MYB: variants seen among roughly 807,000 people sequenced by gnomAD.
MYB encodes the protein transcriptional activator Myb.
In MYB, 28 loss-of-function variants were observed where a neutral mutation model predicts 92.9. The ratio of observed to expected loss-of-function variants is 0.30; its 90% CI spans 0.22 to 0.41. MYB has a LOEUF of 0.41. Ranked by LOEUF, MYB falls within the 10% of genes least tolerant of loss-of-function variation. The pLI is 1.00. For missense variants in MYB, 679 were observed against 929.3 expected (o/e 0.73, Z 3.50); for synonymous variants, 295 against 329.1 (o/e 0.90, Z 1.12).
chr6:135,213,765 T>A (rs1436602535), intron 15 of MYB, among the ~76,000 whole-genome samples: 1 of 151,896 alleles, frequency 6.6e-6, no homozygotes, highest in Non-Finnish European at 1.5e-5. Context: ...CTGCCTGTAG[T>A]CTGAGCTACT....
At chr6:135,200,552 GA>G (rs1562382640) in intron 13 of MYB, 137 bp downstream of exon 13, 6 of 1,280,502 alleles carry the variant, frequency 4.7e-6, no homozygotes, top group Non-Finnish European at 6.7e-6. Flanking sequence ...AAGGTGCAGC[GA>G]AAAGGTACTG....
intron 12 of MYB, 44 bp downstream of exon 12, chr6:135,200,243 C>A: frequency 5.0e-6 from 8 of 1,613,678 alleles, no homozygotes; most frequent in Non-Finnish European, 5.9e-6. Flanking sequence ...TTTATTAGTC[C>A]CATTAGGAGT....
intron 15 of MYB, among the ~76,000 whole-genome samples, chr6:135,211,486 T>G (rs1779691016): frequency 6.6e-6 from 1 of 151,990 alleles, no homozygotes; most frequent in African/African-American, 2.4e-5. Flanking sequence ...TTAGAGAGAA[T>G]AAACATTCTG....
At chr6:135,203,526 C>T (rs1371170198) in intron 15 of MYB, 2 of 666,130 alleles carry the variant, frequency 3.0e-6, no homozygotes, top group African/African-American at 3.6e-5. Context: ...TCATATGAGA[C>T]ATGCTAGAAA....
intron 15 of MYB, chr6:135,203,843 A>G (rs1384072983): frequency 4.8e-6 from 6 of 1,252,596 alleles, no homozygotes; most frequent in Non-Finnish European, 3.1e-6. Flanking sequence ...GCCGATCTGA[A>G]GTTGACCATC....
intron 15 of MYB, among the ~76,000 whole-genome samples, chr6:135,217,454 G>A (rs2179308): frequency 0.48 from 72,405 of 151,924 alleles, 18,378 homozygotes; most frequent in Non-Finnish European, 0.57. Context: ...CTTAGCAGGT[G>A]TTGATCAATT....
chr6:135,183,926 AGGAAGTGAT>A (rs1306071685), intron 1 of MYB, among the ~76,000 whole-genome samples: 2 of 152,194 alleles, frequency 1.3e-5, no homozygotes, highest in Non-Finnish European at 2.9e-5. Flanking sequence ...CTTGAGAGAG[AGGAAGTGAT>A]TTGTCCAAGT....
At chr6:135,203,873 C>G (rs1422258689) in intron 15 of MYB, 21 of 1,200,838 alleles carry the variant, frequency 1.7e-5, no homozygotes, top group Non-Finnish European at 2.0e-5. Context: ...GTTTTAATAT[C>G]AAAAGAGATT....
At chr6:135,185,515 A>AT (rs780287581) in intron 1 of MYB, among the ~76,000 whole-genome samples, 3 of 152,222 alleles carry the variant, frequency 2.0e-5, no homozygotes, top group Non-Finnish European at 2.9e-5. Flanking sequence ...GATGCCAAAG[A>AT]TTTTGAGTGT....
At chr6:135,185,579 G>A (rs1775805403) in intron 1 of MYB, among the ~76,000 whole-genome samples, 1 of 152,160 alleles carries the variant, frequency 6.6e-6, no homozygotes, top group African/African-American at 2.4e-5. Flanking sequence ...TTAACCTTAA[G>A]TTTTCAACTT....
At position 135,206,205 on chromosome 6, in the gene MYB, CA is replaced by C. The variant is rs67836018; in HGVS notation, c.2169+2903del. 2.1e-3 allele frequency among the ~76,000 whole-genome samples: 187 copies of C among 87,342 alleles called. 1 individual carries two copies. The highest frequency in any genetic ancestry group is 4.4e-3 in the African/African-American group (100 of 22,808). The allele number at this position is 87,342 out of a possible 152,430, so 57.3% of individuals were successfully genotyped here. On this transcript the variant is annotated intron_variant, in intron 15 of 15. Transcript: ENST00000341911. ...TGGGTGACTGAGCGAGACTCCATCT[CA>C]AAAAAAAAAAAAAAAAAAAAATAAT... is the stretch of plus-strand genomic sequence containing the variant.
chr6:135,199,176 A>T (rs896161597), intron 11 of MYB, 126 bp downstream of exon 11: 1 of 748,856 alleles, frequency 1.3e-6, no homozygotes, highest in East Asian at 2.8e-5. Context: ...ATATATAATC[A>T]TGTCTATTCC....
In MYB at chr6:135,203,227, C is replaced by A. The variant is rs1305740100; in HGVS notation, c.2072C>A (p.Thr691Lys). 2 of 1,599,292 alleles carry A rather than the reference C, an allele frequency of 1.3e-6. No individual in the cohort carries two copies. Among genetic ancestry groups the A allele is most frequent in the Non-Finnish European group, 1.7e-6 (2 of 1,168,342 alleles). Residue 691 changes from threonine to lysine, a missense_variant, in exon 15 of 16, where the codon ACA (threonine) becomes AAA (lysine). By Grantham distance (78) the Thr-to-Lys change is moderately conservative. Coordinates refer to ENST00000341911, the MANE Select transcript of MYB (RefSeq NM_001130173.2). ...SPVADAPNILTSSVLMAPASE... is the reference protein window; with the variant it reads ...SPVADAPNILKSSVLMAPASE... ...TTCTCTTCCCTTTAGAATATTCTTA[C>A]AAGCTCCGTTTTAATGGCACCAGCA... is the stretch of plus-strand genomic sequence containing the variant.
chr6:135,183,006 GTTTTTT>G (rs3071602), intron 1 of MYB, among the ~76,000 whole-genome samples: 3 of 92,440 alleles, frequency 3.2e-5, no homozygotes, highest in African/African-American at 1.3e-4. Context: ...GGGGTCATCT[GTTTTTT>G]TTTTTTTTTT....
intron 14 of MYB, 147 bp from the exon 15 acceptor site, chr6:135,203,070 T>C (rs751175279): frequency 4.6e-5 from 32 of 701,930 alleles, no homozygotes; most frequent in Non-Finnish European, 7.7e-5. Flanking sequence ...TTTTAGCTCA[T>C]AGTGGGGAGA....
intron 5 of MYB, among the ~76,000 whole-genome samples, chr6:135,191,180 T>G (rs999745596): frequency 3.3e-5 from 5 of 152,208 alleles, no homozygotes; most frequent in African/African-American, 4.8e-5. Context: ...CTCATACTAC[T>G]TCCAGGTTTT....
chr6:135,195,402 C>A (rs1188811968), intron 8 of MYB: 7 of 273,972 alleles, frequency 2.6e-5, no homozygotes, highest in South Asian at 2.5e-4. Context: ...TTCTTCAGTT[C>A]TTCACTCACA....
intron 15 of MYB, among the ~76,000 whole-genome samples, chr6:135,216,573 C>T (rs921682591): frequency 1.3e-5 from 2 of 152,134 alleles, no homozygotes; most frequent in Non-Finnish European, 2.9e-5. Flanking sequence ...ATGTTCAATA[C>T]ACAGCAATTA....
At chr6:135,185,697 G>A (rs998101453) in intron 1 of MYB, among the ~76,000 whole-genome samples, 18 of 152,210 alleles carry the variant, frequency 1.2e-4, no homozygotes, top group African/African-American at 4.1e-4. Context: ...GTCCTTGGCC[G>A]TGTCTGTGGA....
Sources: gnomAD v4.1 joint callset for allele counts (sites outside exome capture counted in the v4.1 genomes callset) on GRCh38, gnomAD v4.1.1 for gene constraint, MANE v1.5 for transcripts, NCBI Gene and HGNC (gene_info 2026-07-23, HGNC 2026-07-21) for gene names.